The following ESRRB variants were observed in gnomAD, a reference collection of about 807,000 sequenced individuals.
The protein encoded by ESRRB is estrogen related receptor beta.
ESRRB carries 16 observed loss-of-function variants against 46.0 expected under a neutral mutation model. The ratio of observed to expected loss-of-function variants is 0.35; its 90% confidence interval spans 0.24 to 0.53. The LOEUF (loss-of-function observed/expected upper bound fraction) is 0.53, where lower values mean the gene tolerates loss of function less well. Among genes scored for constraint, ESRRB ranks in the 20% least tolerant of loss-of-function variants. The pLI is 0.93. For synonymous variants in ESRRB, 246 were observed against 259.6 expected, an observed-to-expected ratio of 0.95 and a Z score of 0.50; for missense variants, 488 against 607.4, an observed-to-expected ratio of 0.80 and a Z score of 2.07.
At chr14:76,454,670 C>T (rs1888527910) in intron 2 of ESRRB, among the ~76,000 whole-genome samples, 1 of 152,060 alleles carries the variant, frequency 6.6e-6, no homozygotes, top group East Asian at 1.9e-4. Flanking sequence ...CTGGAGGCCT[C>T]AGTGAGAGGG....
Position 76,349,992 on chromosome 14 carries a change from T to C in ESRRB, c.2+39076T>C, listed in dbSNP as rs188279752. ...TATTCTCTCTGCCACCTCACACTCCTTTTCTTGGGTACCTGTTCCTGTGGG... is the reference window on the plus strand; with the variant it reads ...TATTCTCTCTGCCACCTCACACTCCCTTTCTTGGGTACCTGTTCCTGTGGG... On this transcript the variant is annotated intron_variant, in intron 1 of 6. Transcript: ENST00000512784. Among the ~76,000 whole-genome samples the C allele has an allele frequency of 3.9e-5, 6 of 152,256 alleles. No individual in the cohort carries two copies. The East Asian group carries it at 1.2e-3, about 29-fold the overall frequency.
chr14:76,487,926 G>A (rs1320872085), intron 5 of ESRRB, among the ~76,000 whole-genome samples: 3 of 152,142 alleles, frequency 2.0e-5, no homozygotes, highest in African/African-American at 7.2e-5. Context: ...TCTAGCAGTA[G>A]AATTGCTAGG....
At chr14:76,332,452 CATATATATATATATTCT>C (rs1566852979) in intron 1 of ESRRB, among the ~76,000 whole-genome samples, 1 of 113,734 alleles carries the variant, frequency 8.8e-6, no homozygotes, top group African/African-American at 3.4e-5. Context: ...GGTGCACCAC[CATATATATATATATTCT>C]ATATATATAT....
chr14:76,454,309 AC>A (rs1165024666), intron 2 of ESRRB, among the ~76,000 whole-genome samples: 1 of 152,344 alleles, frequency 6.6e-6, no homozygotes, highest in East Asian at 1.9e-4. Flanking sequence ...GGATTGAGAT[AC>A]TGTACTTGAG....
intron 1 of ESRRB, among the ~76,000 whole-genome samples, chr14:76,364,641 G>A (rs1884500549): frequency 6.6e-6 from 1 of 151,418 alleles, no homozygotes; most frequent in Admixed American, 6.6e-5. Context: ...GCAGTGAGGT[G>A]AGATCACACC....
intron 2 of ESRRB, among the ~76,000 whole-genome samples, chr14:76,447,905 G>C (rs1302841353): frequency 1.3e-5 from 2 of 152,136 alleles, no homozygotes; most frequent in African/African-American, 4.8e-5. Context: ...ACACACATCT[G>C]ACCATGTCTC....
At chr14:76,407,536 T>G in intron 1 of ESRRB, 1 of 985,518 alleles carries the variant, frequency 1.0e-6, no homozygotes, top group Non-Finnish European at 1.2e-6. Flanking sequence ...CCATCTGTTC[T>G]GTTTAGGCCA....
chr14:76,456,165 G>A (rs1888604178), intron 2 of ESRRB, among the ~76,000 whole-genome samples: 1 of 152,122 alleles, frequency 6.6e-6, no homozygotes. Context: ...TATATCTTGA[G>A]TCTTCAATGC....
chr14:76,391,250 C>T (rs1254645594), intron 1 of ESRRB, among the ~76,000 whole-genome samples: 4 of 152,202 alleles, frequency 2.6e-5, no homozygotes, highest in Admixed American at 1.3e-4. Context: ...CTAGACTCCT[C>T]CGTGGCAGGT....
At chr14:76,355,160 C>G (rs1436429958) in intron 1 of ESRRB, among the ~76,000 whole-genome samples, 1 of 152,194 alleles carries the variant, frequency 6.6e-6, no homozygotes, top group African/African-American at 2.4e-5. Flanking sequence ...TCCTTGCAGT[C>G]TGAAGCCGGG....
chr14:76,390,411 C>A (rs1210552890), intron 1 of ESRRB, among the ~76,000 whole-genome samples: 1 of 152,110 alleles, frequency 6.6e-6, no homozygotes, highest in Non-Finnish European at 1.5e-5. Flanking sequence ...ATCACTTGAA[C>A]CCAGGAGGTG....
intron 1 of ESRRB, among the ~76,000 whole-genome samples, chr14:76,315,948 T>G (rs184640639): frequency 2.0e-4 from 30 of 152,292 alleles, no homozygotes; most frequent in Admixed American, 1.8e-3. Context: ...TTCTTAAGTT[T>G]CTTGGCCCTG....
rs577926444 is a variant in ESRRB, at chr14:76,390,536, A to G, written c.50+14085A>G. ...AAAAAAAGATAAATATAAGGTACTT[A>G]TAGCAGAAACTAGTACACAGTAGGT... On this transcript the variant is annotated intron_variant, in intron 1 of 6. Transcript: ENST00000644823. Among the ~76,000 whole-genome samples the G allele has an allele frequency of 3.9e-5, 6 of 152,256 alleles. No homozygotes were observed. The South Asian group carries it at 8.3e-4, about 21-fold the overall frequency.
chr14:76,411,854 GTATTATTCTGTTATCATCACAC>G (rs1202029535), intron 1 of ESRRB, among the ~76,000 whole-genome samples: 2 of 152,068 alleles, frequency 1.3e-5, no homozygotes, highest in Non-Finnish European at 2.9e-5. Flanking sequence ...TATAAGAATA[GTATTATTCTGTTATCATCACAC>G]TATTATTTAA....
chr14:76,456,092 A>G (rs1888600527), intron 2 of ESRRB, among the ~76,000 whole-genome samples: 1 of 151,044 alleles, frequency 6.6e-6, no homozygotes, highest in Non-Finnish European at 1.5e-5. Flanking sequence ...GAAAGAAAAG[A>G]AAAGAATTGT....
At position 76,500,238 on chromosome 14, in the gene ESRRB, C is replaced by T; in HGVS notation, c.*1780C>T. The T allele has an allele frequency of 1.6e-6, 1 of 621,054 alleles. No individual in the cohort carries two copies. The highest frequency in any genetic ancestry group is 2.8e-6 in the Non-Finnish European group (1 of 353,932). 38.5% of individuals were successfully genotyped at this position (621,054 alleles called of 1,614,324 possible). A position where few individuals can be genotyped will look rare whatever the true frequency, so the allele number is the denominator to read the frequency against. ...AGCAGCTCTCTGATGGTGTCCCACA[C>T]AGAAAATGTTAAGGATTTCAAGAGC... On this transcript the variant is annotated 3_prime_UTR_variant, in exon 7 of 7. Coordinates refer to ENST00000644823, the MANE Select transcript of ESRRB (RefSeq NM_001379180.1).
At chr14:76,354,583 G>A (rs1482935986) in intron 1 of ESRRB, among the ~76,000 whole-genome samples, 1 of 151,784 alleles carries the variant, frequency 6.6e-6, no homozygotes, top group East Asian at 1.9e-4. Flanking sequence ...CCCTTGTTCT[G>A]TGCTCAGTGT....
At chr14:76,384,553 C>G (rs1885142513) in intron 1 of ESRRB, among the ~76,000 whole-genome samples, 1 of 152,120 alleles carries the variant, frequency 6.6e-6, no homozygotes, top group African/African-American at 2.4e-5. Context: ...ACCTGGCCCC[C>G]CTGAGAAAAG....
intron 1 of ESRRB, among the ~76,000 whole-genome samples, chr14:76,382,929 T>C (rs1885073723): frequency 6.6e-6 from 1 of 152,246 alleles, no homozygotes; most frequent in Admixed American, 6.5e-5. Flanking sequence ...ACTGAACCTT[T>C]TCAGGGAATG....
Sources: allele counts gnomAD v4.1 joint callset (sites outside exome capture counted in the v4.1 genomes callset), GRCh38; gene constraint gnomAD v4.1.1; transcripts MANE v1.5; gene names NCBI Gene and HGNC (gene_info 2026-07-23, HGNC 2026-07-21).